KIAA0586: variants seen among roughly 807,000 people sequenced by gnomAD.
KIAA0586 encodes the protein protein TALPID3.
A neutral mutation model predicts 169.8 loss-of-function variants in KIAA0586; 144 were observed. The ratio of observed to expected loss-of-function variants is 0.85; its 90% CI spans 0.74 to 0.97. The LOEUF (loss-of-function observed/expected upper bound fraction) is 0.97, where lower values mean the gene tolerates loss of function less well. KIAA0586 is among the 50% of genes least tolerant of loss of function. The pLI, the probability that KIAA0586 is intolerant of heterozygous loss-of-function variation, is 0.00. For missense variants in KIAA0586, 1,854 were observed against 1,823.0 expected (o/e 1.02, Z -0.31); for synonymous variants, 625 against 612.4 (o/e 1.02, Z -0.30).
chr14:58,548,122 A>G lies in KIAA0586; in HGVS notation c.*190A>G, dbSNP rs2047096400. The G allele has an allele frequency of 8.1e-6, 5 of 614,380 alleles. No individual in the cohort carries two copies. The highest frequency in any genetic ancestry group is 5.4e-5 in the South Asian group (2 of 37,284). The allele number at this position is 614,380 out of a possible 1,614,324, so 38.1% of individuals were successfully genotyped here. ...TTAAATAAAATAAGTATAAGTCATT[A>G]TAAGTCTGATTGTGAGTTGTTTCTT... On this transcript the variant is annotated 3_prime_UTR_variant, in exon 31 of 31. Coordinates refer to ENST00000652326, the MANE Select transcript of KIAA0586 (RefSeq NM_001329943.3).
chr14:58,470,076 ATGTG>A lies in KIAA0586; in HGVS notation c.2443-519_2443-516del, dbSNP rs3041104. Among the ~76,000 whole-genome samples the A allele has an allele frequency of 9.9e-3, 1,477 of 148,820 alleles. 23 individuals carry two copies. Among genetic ancestry groups the A allele is most frequent in the African/African-American group, 0.034 (1,391 of 40,542 alleles). ...AATTAATTTAGGGTTTAGGAAGAAA[ATGTG>A]TGTGTGTGTGTGTGTGTTTATGTGT... On this transcript the variant is annotated intron_variant, in intron 16 of 30. Coordinates refer to ENST00000652326, the MANE Select transcript of KIAA0586 (RefSeq NM_001329943.3).
chr14:58,459,008 C>T (rs1743720), intron 12 of KIAA0586, among the ~76,000 whole-genome samples: 91,003 of 151,914 alleles, frequency 0.6, 27,642 homozygotes, highest in Admixed American at 0.67. Flanking sequence ...CATCTTCAAA[C>T]ATCCAGCATT....
Position 58,487,964 on chromosome 14 carries a change from G to A in KIAA0586, c.3382G>A (p.Val1128Ile), listed in dbSNP as rs758915319. Residue 1128 changes from valine to isoleucine, a missense_variant, in exon 23 of 31, where the codon GTT (valine) becomes ATT (isoleucine). Val to Ile is a conservative substitution (Grantham distance 29). Coordinates refer to ENST00000652326, the MANE Select transcript of KIAA0586 (RefSeq NM_001329943.3). Reference sequence around the variant, plus strand: ...TACTACACCTCCTCCAGCGGCGGCAGTTTTTACCCCAACTTTGTCAGATAT... The same window carrying A: ...TACTACACCTCCTCCAGCGGCGGCAATTTTTACCCCAACTTTGTCAGATAT... Reference protein sequence around the residue: ...PTTTPPPAAAVFTPTLSDISI... With the variant: ...PTTTPPPAAAIFTPTLSDISI... 1 of 1,613,686 alleles carries A rather than the reference G, an allele frequency of 6.2e-7. No homozygotes were observed. The highest frequency in any genetic ancestry group is 1.1e-5 in the South Asian group (1 of 91,036).
chr14:58,557,050 G>A, the KIAA0586 span, among the ~76,000 whole-genome samples: 3 of 152,162 alleles, frequency 2.0e-5, no homozygotes, highest in Admixed American at 1.3e-4. Context: ...CAGCCAGTTC[G>A]TTGTTTTTTA....
intron 20 of KIAA0586, among the ~76,000 whole-genome samples, chr14:58,478,874 A>G (rs1325041540): frequency 6.6e-6 from 1 of 152,218 alleles, no homozygotes; most frequent in Non-Finnish European, 1.5e-5. Context: ...TTTTATTAGC[A>G]TAATATTTTG....
At chr14:58,475,142 G>C (rs2041510797) in intron 19 of KIAA0586, among the ~76,000 whole-genome samples, 1 of 152,222 alleles carries the variant, frequency 6.6e-6, no homozygotes, top group Non-Finnish European at 1.5e-5. Context: ...ACCAGTACCA[G>C]TCTGTGGCCT....
At chr14:58,506,884 T>C (rs972150855) in intron 27 of KIAA0586, among the ~76,000 whole-genome samples, 16 of 51,270 alleles carry the variant, frequency 3.1e-4, no homozygotes, top group African/African-American at 1.1e-3. Flanking sequence ...CAGTGGCTCA[T>C]GCCTGTAATC....
At chr14:58,431,764 C>G (rs958637429) in intron 3 of KIAA0586, among the ~76,000 whole-genome samples, 23 of 152,148 alleles carry the variant, frequency 1.5e-4, no homozygotes, top group African/African-American at 5.5e-4. Context: ...TTTTATAGTT[C>G]TCCTTGTAGA....
At chr14:58,453,864 T>G (rs2039602918) in intron 9 of KIAA0586, among the ~76,000 whole-genome samples, 1 of 152,146 alleles carries the variant, frequency 6.6e-6, no homozygotes, top group African/African-American at 2.4e-5. Flanking sequence ...TTTTCTCTAT[T>G]TTTGTGTATA....
chr14:58,506,550 G>GGT (rs1166324313), intron 27 of KIAA0586, among the ~76,000 whole-genome samples: 1 of 151,998 alleles, frequency 6.6e-6, no homozygotes, highest in Non-Finnish European at 1.5e-5. Context: ...AGACAGGTGT[G>GGT]GTGGCGCGTG....
chr14:58,559,275 G>A, the KIAA0586 span, among the ~76,000 whole-genome samples: 2 of 152,170 alleles, frequency 1.3e-5, no homozygotes, highest in African/African-American at 4.8e-5. Context: ...TTCTTTATGC[G>A]ATTTTTCTGC....
chr14:58,515,241 T>C lies in KIAA0586; in HGVS notation c.4429+2614T>C, dbSNP rs891923718. On this transcript the variant is annotated intron_variant, in intron 29 of 30. Coordinates refer to ENST00000652326, the MANE Select transcript of KIAA0586 (RefSeq NM_001329943.3). ...TTCTTATTTGTAGATTACACGTTAC[T>C]CAGAAAATAAGTATCAAAGTGCTAA... 3.4e-4 allele frequency among the ~76,000 whole-genome samples: 52 copies of C among 152,184 alleles called. 1 individual carries two copies. The highest frequency in any genetic ancestry group is 1.5e-4 in the Non-Finnish European group (10 of 67,970).
intron 29 of KIAA0586, among the ~76,000 whole-genome samples, chr14:58,513,578 C>G (rs2044544767): frequency 1.3e-5 from 2 of 150,044 alleles, no homozygotes; most frequent in African/African-American, 5.0e-5. Context: ...TCCTCCTGAC[C>G]CTTTTTTTTT....
At chr14:58,507,713 T>G (rs2044101102) in intron 27 of KIAA0586, among the ~76,000 whole-genome samples, 3 of 152,148 alleles carry the variant, frequency 2.0e-5, no homozygotes, top group Non-Finnish European at 4.4e-5. Flanking sequence ...GGTACAGTGG[T>G]TAGATACATA....
chr14:58,508,735 T>C, intron 28 of KIAA0586, 26 bp downstream of exon 28: 1 of 1,544,478 alleles, frequency 6.5e-7, no homozygotes, highest in Non-Finnish European at 8.8e-7. Flanking sequence ...CACTTGTATT[T>C]TACTTAAAAT....
intron 29 of KIAA0586, among the ~76,000 whole-genome samples, chr14:58,515,202 G>A (rs1319095582): frequency 6.6e-6 from 1 of 151,772 alleles, no homozygotes; most frequent in Non-Finnish European, 1.5e-5. Context: ...AAAAATCACA[G>A]CAGTTTTTAG....
intron 27 of KIAA0586, among the ~76,000 whole-genome samples, chr14:58,500,836 A>G (rs2043519176): frequency 6.6e-6 from 1 of 152,170 alleles, no homozygotes; most frequent in African/African-American, 2.4e-5. Flanking sequence ...CTTTACGTAT[A>G]CTGTGAAAAG....
chr14:58,455,495 T>C (rs547563885), intron 9 of KIAA0586, among the ~76,000 whole-genome samples: 15 of 152,220 alleles, frequency 9.9e-5, no homozygotes, highest in African/African-American at 3.4e-4. Flanking sequence ...TTGCTAGTTA[T>C]TGTTGTTGTT....
chr14:58,561,783 T>G, the KIAA0586 span, among the ~76,000 whole-genome samples: 99 of 152,302 alleles, frequency 6.5e-4, no homozygotes, highest in Middle Eastern at 6.8e-3. Context: ...AATTTCCTGT[T>G]TCATGGGAGT....
Sources: gnomAD v4.1 joint callset for allele counts (sites outside exome capture counted in the v4.1 genomes callset) on GRCh38, gnomAD v4.1.1 for gene constraint, MANE v1.5 for transcripts, NCBI Gene and HGNC (gene_info 2026-07-23, HGNC 2026-07-21) for gene names.